TMEM184C: variants seen among roughly 807,000 people sequenced by gnomAD.
TMEM184C encodes the protein transmembrane protein 34.
Under a neutral mutation model 54.5 loss-of-function variants are expected in TMEM184C, and 25 were observed. The ratio of observed to expected loss-of-function variants is 0.46; its 90% confidence interval spans 0.33 to 0.64. TMEM184C has a LOEUF of 0.64. Among genes scored for constraint, TMEM184C ranks in the 30% least tolerant of loss-of-function variants. The pLI is 0.02. For synonymous variants in TMEM184C, 148 were observed against 181.5 expected (o/e 0.82, Z 1.49); for missense variants, 335 against 520.3 (o/e 0.64, Z 3.46).
In TMEM184C at chr4:147,618,032, A is replaced by T; in HGVS notation, c.76A>T (p.Ile26Leu). 1 of 1,614,178 alleles carries T rather than the reference A, an allele frequency of 6.2e-7. No homozygotes were observed. The highest frequency in any genetic ancestry group is 1.3e-5 in the African/African-American group (1 of 75,036). Residue 26 changes from isoleucine to leucine, a missense_variant, in exon 1 of 10, where the codon ATA becomes TTA. Coordinates refer to ENST00000296582, the MANE Select transcript of TMEM184C (RefSeq NM_018241.3). ...PLVAVIYLVS[I>L]VVAVPLCVWE... Reference sequence around the variant, plus strand: ...AGTAGCGGTCATCTACCTGGTGTCAATAGTGGTTGCGGTTCCCCTATGCGT... The same window carrying T: ...AGTAGCGGTCATCTACCTGGTGTCATTAGTGGTTGCGGTTCCCCTATGCGT...
intron 1 of TMEM184C, among the ~76,000 whole-genome samples, chr4:147,621,172 T>G (rs1362480046): frequency 2.7e-5 from 4 of 148,312 alleles, no homozygotes; most frequent in Non-Finnish European, 4.5e-5. Flanking sequence ...CTCAGCACAC[T>G]TTTTTTTTTA....
chr4:147,617,776 AAGC>A lies in TMEM184C; in HGVS notation c.-169_-167del, dbSNP rs1560949738. ...GCACCCTGAGAGGCTACATTTGCAG[AAGC>A]AGCAGCAGCAGAAGACACAGCGCCG... On this transcript the variant is annotated 5_prime_UTR_variant, in exon 1 of 10. Coordinates refer to ENST00000296582, the MANE Select transcript of TMEM184C (RefSeq NM_018241.3). 24 of 743,622 alleles carry A rather than the reference AAGC, an allele frequency of 3.2e-5. No homozygotes were observed. Among genetic ancestry groups the A allele is most frequent in the Non-Finnish European group, 3.6e-5 (16 of 442,786 alleles). The allele number at this position is 743,622 out of a possible 1,614,324, so 46.1% of individuals were successfully genotyped here. A position where few individuals can be genotyped will look rare whatever the true frequency, so the allele number is the denominator to read the frequency against.
chr4:147,619,649 G>T (rs1732669937), intron 1 of TMEM184C, among the ~76,000 whole-genome samples: 1 of 152,114 alleles, frequency 6.6e-6, no homozygotes, highest in South Asian at 2.1e-4. Context: ...TATTTCCGTG[G>T]AGTATAGTAT....
In TMEM184C at chr4:147,631,464, C is replaced by G. The variant is rs768920777; in HGVS notation, c.738C>G (p.Gly246=). The change falls in exon 7 of 10, where the codon GGC becomes GGG. Residue 246 remains glycine (G), a synonymous_variant. Coordinates refer to ENST00000296582, the MANE Select transcript of TMEM184C (RefSeq NM_018241.3). ...AACTGAGCCCAATCCAACCTGTTGG[C>G]AAATTTCTTTGTGTAAAGCTGGTGG... ...KEELSPIQPV[G]KFLCVKLVVF... 17 of 1,608,078 alleles carry G rather than the reference C, an allele frequency of 1.1e-5. No individual in the cohort carries two copies. The African/African-American group carries it at 2.3e-4, about 22-fold the overall frequency.
intron 1 of TMEM184C, 57 bp from the exon 2 acceptor site, chr4:147,623,777 C>G: frequency 1.3e-6 from 2 of 1,571,022 alleles, no homozygotes; most frequent in Non-Finnish European, 1.7e-6. Context: ...TGAGCCTGGC[C>G]AAGCTCTTTT....
At chr4:147,626,128 G>C (rs1490336333) in intron 4 of TMEM184C, among the ~76,000 whole-genome samples, 2 of 152,184 alleles carry the variant, frequency 1.3e-5, no homozygotes, top group Admixed American at 1.3e-4. Context: ...CACAAGCACT[G>C]ATCTTAGGAG....
intron 8 of TMEM184C, 94 bp from the exon 9 acceptor site, chr4:147,633,671 T>C (rs1041004729): frequency 9.3e-7 from 1 of 1,071,058 alleles, no homozygotes; most frequent in Non-Finnish European, 1.3e-6. Context: ...GCTGTTTATC[T>C]TAGCACTTTT....
At position 147,634,631 on chromosome 4, in the gene TMEM184C, C is replaced by A; in HGVS notation, c.*197C>A. The A allele has an allele frequency of 1.7e-6, 1 of 588,480 alleles. No individual in the cohort carries two copies. The highest frequency in any genetic ancestry group is 1.9e-5 in the African/African-American group (1 of 53,678). The allele number at this position is 588,480 out of a possible 1,614,324, so 36.5% of individuals were successfully genotyped here. A position where few individuals can be genotyped will look rare whatever the true frequency, so the allele number is the denominator to read the frequency against. On this transcript the variant is annotated 3_prime_UTR_variant, in exon 10 of 10. Coordinates refer to ENST00000296582, the MANE Select transcript of TMEM184C (RefSeq NM_018241.3). Reference sequence around the variant, plus strand: ...TTGGTCTAAATTTCCTAGACTTAGACTTGATTTCTTAACATTAGGGTATCG... The same window carrying A: ...TTGGTCTAAATTTCCTAGACTTAGAATTGATTTCTTAACATTAGGGTATCG...
chr4:147,634,189 C>T lies in TMEM184C; in HGVS notation c.1072C>T (p.Pro358Ser), dbSNP rs368296532. Residue 358 changes from proline to serine, a missense_variant, in exon 10 of 10, where the codon CCC becomes TCC. Coordinates refer to ENST00000296582, the MANE Select transcript of TMEM184C (RefSeq NM_018241.3). Reference sequence around the variant, plus strand: ...TAAAGGACGGACAGTCAGGGGACATCCCAGGAAAAAATTGTTTCCCGAGGA... The same window carrying T: ...TAAAGGACGGACAGTCAGGGGACATTCCAGGAAAAAATTGTTTCCCGAGGA... The part of the protein sequence containing the change: ...RHVGRTVRGH[P>S]RKKLFPEDQD... 2 of 1,613,532 alleles carry T rather than the reference C, an allele frequency of 1.2e-6. No homozygotes were observed. Among genetic ancestry groups the T allele is most frequent in the African/African-American group, 2.7e-5 (2 of 74,856 alleles).
intron 7 of TMEM184C, chr4:147,632,671 T>G: frequency 2.3e-6 from 1 of 440,748 alleles, no homozygotes; most frequent in Non-Finnish European, 4.0e-6. Flanking sequence ...ATCTCTAGAT[T>G]TGCTTGAAAT....
chr4:147,631,620 T>C, intron 7 of TMEM184C, 115 bp downstream of exon 7: 1 of 732,188 alleles, frequency 1.4e-6, no homozygotes, highest in Non-Finnish European at 2.2e-6. Context: ...TGTCTCTACT[T>C]CTCTTTTTAA....
rs549657295 is a variant in TMEM184C at position 147,617,824 on chromosome 4, C to T, written c.-133C>T. 1.5e-6 allele frequency: 2 copies of T among 1,296,714 alleles called. No homozygotes were observed. The highest frequency in any genetic ancestry group is 1.8e-5 in the Admixed American group (1 of 56,366). 80.3% of individuals were successfully genotyped at this position (1,296,714 alleles called of 1,614,324 possible). A position where few individuals can be genotyped will look rare whatever the true frequency, so the allele number is the denominator to read the frequency against. Reference sequence around the variant, plus strand: ...GCGCCGGTCCAGGAGGCGGCTCGAGCTGTTCGTAAAGTCGCCCGACAGCTT... The same window carrying T: ...GCGCCGGTCCAGGAGGCGGCTCGAGTTGTTCGTAAAGTCGCCCGACAGCTT... On this transcript the variant is annotated 5_prime_UTR_variant, in exon 1 of 10. Transcript: ENST00000296582.
chr4:147,630,486 G>A (rs2126553309), intron 6 of TMEM184C, among the ~76,000 whole-genome samples: 1 of 152,118 alleles, frequency 6.6e-6, no homozygotes, highest in African/African-American at 2.4e-5. Flanking sequence ...CCCATTACTT[G>A]TAAATAACAA....
intron 1 of TMEM184C, among the ~76,000 whole-genome samples, chr4:147,620,773 T>C (rs545706668): frequency 3.9e-5 from 6 of 152,206 alleles, no homozygotes; most frequent in African/African-American, 1.4e-4. Flanking sequence ...GTTACTGAGA[T>C]AGAAAATTGA....
chr4:147,632,713 C>G, intron 7 of TMEM184C, 190 bp from the exon 8 acceptor site: 1 of 512,318 alleles, frequency 2.0e-6, no homozygotes. Context: ...TGAGACAAAA[C>G]TACTAGAAAA....
At chr4:147,629,830 A>T in intron 6 of TMEM184C, 138 bp downstream of exon 6, 1 of 460,972 alleles carries the variant, frequency 2.2e-6, no homozygotes, top group Non-Finnish European at 3.6e-6. Flanking sequence ...TTTAATTTAT[A>T]GAAAGACTTG....
intron 6 of TMEM184C, 40 bp from the exon 7 acceptor site, chr4:147,631,353 T>C: frequency 3.5e-6 from 5 of 1,424,970 alleles, no homozygotes; most frequent in Non-Finnish European, 4.8e-6. Flanking sequence ...TATTACCATA[T>C]CTATTACTGA....
rs1431572357 is a variant in TMEM184C at position 147,633,795 on chromosome 4, G to A, written c.910G>A (p.Ala304Thr). ...TATTATCTGTATTGAGATGTTCCTC[G>A]CTGCCATTGCTCATCATTACACATT... ...DFIICIEMFL[A>T]AIAHHYTFSY... The change falls in exon 9 of 10, where the codon GCT (alanine) becomes ACT (threonine). Residue 304 changes from alanine to threonine, a missense_variant. By Grantham distance (58) the Ala-to-Thr change is moderately conservative. Transcript: ENST00000296582. 2.5e-6 allele frequency: 4 copies of A among 1,607,260 alleles called. No individual in the cohort carries two copies. Among genetic ancestry groups the A allele is most frequent in the African/African-American group, 1.3e-5 (1 of 74,610 alleles).
intron 5 of TMEM184C, among the ~76,000 whole-genome samples, chr4:147,628,868 G>C (rs1732861504): frequency 6.6e-6 from 1 of 152,112 alleles, no homozygotes; most frequent in African/African-American, 2.4e-5. Context: ...GCTTAGAATT[G>C]AGGTAAAATG....
Sources: gnomAD v4.1 joint callset for allele counts (sites outside exome capture counted in the v4.1 genomes callset) on GRCh38, gnomAD v4.1.1 for gene constraint, MANE v1.5 for transcripts, NCBI Gene and HGNC (gene_info 2026-07-23, HGNC 2026-07-21) for gene names.